PHTF2: variants seen among roughly 807,000 people sequenced by gnomAD.
PHTF2 encodes protein PHTF2.
In PHTF2, 60 loss-of-function variants were observed where a neutral mutation model predicts 101.2. That is an observed-to-expected ratio of 0.59 (90% CI 0.48 to 0.73). The LOEUF (loss-of-function observed/expected upper bound fraction) is 0.73. PHTF2 is among the 30% of genes least tolerant of loss of function. The pLI is 0.00. For synonymous variants in PHTF2, 311 were observed against 307.3 expected (o/e 1.01, Z -0.13); for missense variants, 747 against 908.7 (o/e 0.82, Z 2.29).
At chr7:77,936,131 T>G (rs941200042) in intron 12 of PHTF2, among the ~76,000 whole-genome samples, 2 of 152,178 alleles carry the variant, frequency 1.3e-5, no homozygotes, top group African/African-American at 4.8e-5. Flanking sequence ...CCCACCTCTT[T>G]TTTTTTACAT....
intron 2 of PHTF2, among the ~76,000 whole-genome samples, chr7:77,850,196 A>AG (rs1009137318): frequency 4.2e-5 from 6 of 141,738 alleles, no homozygotes; most frequent in African/African-American, 7.7e-5. Context: ...ACAAAATTTA[A>AG]AAAAAAAAAA....
chr7:77,881,779 G>GCATCCATATC (rs1799445766), intron 3 of PHTF2, among the ~76,000 whole-genome samples: 2 of 152,084 alleles, frequency 1.3e-5, no homozygotes, highest in African/African-American at 4.8e-5. Flanking sequence ...TCTTTCTCAT[G>GCATCCATATC]CATCCATATC....
At chr7:77,827,986 A>G (rs1044693015) in intron 1 of PHTF2, among the ~76,000 whole-genome samples, 1 of 152,158 alleles carries the variant, frequency 6.6e-6, no homozygotes, top group Non-Finnish European at 1.5e-5. Context: ...GCAAATTTTA[A>G]TCTCTAAATT....
At chr7:77,822,347 A>G (rs766586178) in intron 1 of PHTF2, among the ~76,000 whole-genome samples, 1 of 152,080 alleles carries the variant, frequency 6.6e-6, no homozygotes, top group Non-Finnish European at 1.5e-5. Flanking sequence ...AGTGCTAGAG[A>G]AGTTCACTGG....
intron 3 of PHTF2, among the ~76,000 whole-genome samples, chr7:77,870,046 C>T (rs1200181101): frequency 6.6e-6 from 1 of 152,054 alleles, no homozygotes; most frequent in Admixed American, 6.6e-5. Context: ...GTTGTCTCTT[C>T]ACTCTGTTGT....
At chr7:77,853,376 A>G (rs565467129) in intron 2 of PHTF2, among the ~76,000 whole-genome samples, 1 of 148,870 alleles carries the variant, frequency 6.7e-6, no homozygotes, top group African/African-American at 2.5e-5. Context: ...TCAGTATGTC[A>G]GTTGAATTTT....
In PHTF2 at chr7:77,809,312, C is replaced by T. The variant is rs1793244266; in HGVS notation, c.-36+10341C>T. Among the ~76,000 whole-genome samples, 2 of 148,592 alleles carry T rather than the reference C, an allele frequency of 1.3e-5. 1 individual carries two copies. Among genetic ancestry groups the T allele is most frequent in the Middle Eastern group, 7.1e-3 (2 of 282 alleles). On this transcript the variant is annotated intron_variant, in intron 1 of 19. Transcript: ENST00000416283. ...AGCGATCTTGGCTCACTGCAACCTC[C>T]GCCTCCCGGCTTCAAATGATTCTCC...
At chr7:77,887,965 A>G (rs1800017528) in intron 3 of PHTF2, among the ~76,000 whole-genome samples, 1 of 152,234 alleles carries the variant, frequency 6.6e-6, no homozygotes, top group Admixed American at 6.5e-5. Flanking sequence ...ACATGATGGA[A>G]CAATGTTTTT....
At chr7:77,889,895 G>A (rs1210642735) in intron 3 of PHTF2, among the ~76,000 whole-genome samples, 1 of 151,958 alleles carries the variant, frequency 6.6e-6, no homozygotes, top group Non-Finnish European at 1.5e-5. Flanking sequence ...CACCATGCCT[G>A]GCCTATCTGG....
intron 12 of PHTF2, 62 bp downstream of exon 11, chr7:77,929,389 A>C: frequency 2.4e-6 from 2 of 820,232 alleles, no homozygotes; most frequent in Non-Finnish European, 4.1e-6. Context: ...TTTATGTTCA[A>C]ATGTTACAGA....
chr7:77,941,934 T>G (rs555531148), intron 15 of PHTF2, among the ~76,000 whole-genome samples: 3 of 152,348 alleles, frequency 2.0e-5, no homozygotes, highest in South Asian at 4.2e-4. Flanking sequence ...ATAATGCCCT[T>G]TATGATCTAA....
chr7:77,843,132 G>A (rs538277341), intron 2 of PHTF2, among the ~76,000 whole-genome samples: 2 of 152,218 alleles, frequency 1.3e-5, no homozygotes, highest in Admixed American at 1.3e-4. Flanking sequence ...TTAGGATTTA[G>A]CTTTTTTATA....
At chr7:77,856,227 T>C (rs1797170372) in intron 3 of PHTF2, among the ~76,000 whole-genome samples, 1 of 152,180 alleles carries the variant, frequency 6.6e-6, no homozygotes, top group African/African-American at 2.4e-5. Context: ...AAAATAAAAA[T>C]AAATGTTTAA....
chr7:77,817,337 G>A (rs1380639033), intron 1 of PHTF2, among the ~76,000 whole-genome samples: 6 of 152,010 alleles, frequency 3.9e-5, no homozygotes, highest in Non-Finnish European at 4.4e-5. Flanking sequence ...TCGTTCTCAC[G>A]CTGCTAATAA....
intron 9 of PHTF2, among the ~76,000 whole-genome samples, chr7:77,914,485 A>C (rs1484471502): frequency 3.3e-5 from 5 of 152,168 alleles, no homozygotes; most frequent in African/African-American, 7.2e-5. Flanking sequence ...TGACTGGCTG[A>C]ATGACTAAGT....
At chr7:77,886,125 T>A (rs1169834491) in intron 3 of PHTF2, among the ~76,000 whole-genome samples, 1 of 152,188 alleles carries the variant, frequency 6.6e-6, no homozygotes, top group African/African-American at 2.4e-5. Context: ...TCAGTCTAAT[T>A]AAACTATTGA....
chr7:77,813,617 G>T (rs1793618336), intron 1 of PHTF2, among the ~76,000 whole-genome samples: 1 of 152,222 alleles, frequency 6.6e-6, no homozygotes, highest in African/African-American at 2.4e-5. Context: ...CACCTTCTGT[G>T]TGTTATATTG....
chr7:77,930,416 G>A (rs1804457280), intron 12 of PHTF2, among the ~76,000 whole-genome samples: 1 of 152,000 alleles, frequency 6.6e-6, no homozygotes, highest in South Asian at 2.1e-4. Context: ...CAAAATTTTG[G>A]TGAATGACAT....
chr7:77,936,231 A>G (rs78713063), intron 12 of PHTF2, among the ~76,000 whole-genome samples: 6 of 151,992 alleles, frequency 3.9e-5, no homozygotes, highest in Non-Finnish European at 8.8e-5. Flanking sequence ...TACAAGAAAC[A>G]TTTTTTTTAC....
Sources: gnomAD v4.1 joint callset for allele counts (sites outside exome capture counted in the v4.1 genomes callset) on GRCh38, gnomAD v4.1.1 for gene constraint, MANE v1.5 for transcripts, NCBI Gene and HGNC (gene_info 2026-07-23, HGNC 2026-07-21) for gene names.